Variants in TRIM64 observed in about 807,000 individuals in gnomAD.
TRIM64 encodes the protein tripartite motif-containing protein 64.
TRIM64 carries 3 observed loss-of-function variants against 10.6 expected under a neutral mutation model. That is an observed-to-expected ratio of 0.28 (90% CI 0.13 to 0.73). The LOEUF is 0.73. Ranked by LOEUF, TRIM64 falls within the 30% of genes least tolerant of loss-of-function variation. TRIM64 has a pLI of 0.71. For synonymous variants in TRIM64, 8 were observed against 56.0 expected, an observed-to-expected ratio of 0.14 and a Z score of 3.83; for missense variants, 29 against 152.0, an observed-to-expected ratio of 0.19 and a Z score of 4.25.
upstream of TRIM64, among the ~76,000 whole-genome samples, chr11:89,968,142 T>C (rs1950429939): frequency 3.0e-5 from 1 of 33,458 alleles, no homozygotes; most frequent in Non-Finnish European, 5.4e-5. Flanking sequence ...CAAGTATTTA[T>C]ACAGCATTTA....
chr11:89,966,661 G>A (rs1341582303), upstream of TRIM64, among the ~76,000 whole-genome samples: 1 of 38,972 alleles, frequency 2.6e-5, no homozygotes, highest in Non-Finnish European at 4.7e-5. Context: ...AAGGCAGGCA[G>A]ATCGCTTGAG....
Position 89,971,796 on chromosome 11 carries a change from C to A in TRIM64, c.759-401C>A, listed in dbSNP as rs1257734955. Among the ~76,000 whole-genome samples the A allele has an allele frequency of 1.1e-4, 6 of 53,058 alleles. 3 individuals are homozygous for A. The highest frequency in any genetic ancestry group is 1.7e-4 in the Non-Finnish European group (4 of 23,618). The allele number at this position is 53,058 out of a possible 152,430, so 34.8% of individuals were successfully genotyped here. Reference sequence around the variant, plus strand: ...CTTTGTTTTGCACAAAAGATTAAAGCCTTTTGTCTCAGTGAACATTCTCTG... The same window carrying A: ...CTTTGTTTTGCACAAAAGATTAAAGACTTTTGTCTCAGTGAACATTCTCTG... On this transcript the variant is annotated intron_variant, in intron 4 of 5. Coordinates refer to ENST00000533122, the Ensembl canonical transcript of TRIM64.
At position 89,970,481 on chromosome 11, in the gene TRIM64, A is replaced by G. The variant is rs1278685868; in HGVS notation, c.735+7A>G. 1.8e-6 allele frequency: 1 copy of G among 541,036 alleles called. No individual in the cohort carries two copies. Among genetic ancestry groups the G allele is most frequent in the African/African-American group, 5.4e-5 (1 of 18,670 alleles). 33.5% of individuals were successfully genotyped at this position (541,036 alleles called of 1,614,324 possible). On this transcript the variant is annotated splice_region_variant and intron_variant, in intron 3 of 5. Coordinates refer to ENST00000533122, the Ensembl canonical transcript of TRIM64. The stretch of plus-strand genomic sequence containing the variant: ...TGACGTGGAGCTGCTCCAGGTGAGG[A>G]GGGAGGGTCCATCCTCAGAGACAGG...
upstream of TRIM64, among the ~76,000 whole-genome samples, chr11:89,968,040 C>A (rs1376853623): frequency 2.8e-5 from 1 of 35,542 alleles, no homozygotes; most frequent in Non-Finnish European, 5.2e-5. Flanking sequence ...CTCGGCCTCC[C>A]GAAGTGCTGG....
chr11:89,967,857 C>T (rs1950428963), upstream of TRIM64, among the ~76,000 whole-genome samples: 1 of 35,504 alleles, frequency 2.8e-5, no homozygotes, highest in Non-Finnish European at 5.2e-5. Flanking sequence ...TCTCGGCTCA[C>T]TGCAACCTCC....
chr11:89,966,413 T>C (rs1464275944), upstream of TRIM64, among the ~76,000 whole-genome samples: 8 of 87,320 alleles, frequency 9.2e-5, no homozygotes, highest in Non-Finnish European at 1.9e-4. Flanking sequence ...CATGCAATGA[T>C]AGAACCCATA....
At chr11:89,966,315 G>T (rs1396616211), upstream of TRIM64, among the ~76,000 whole-genome samples, 1 of 94,318 alleles carries the variant, frequency 1.1e-5, no homozygotes, top group Non-Finnish European at 2.7e-5. Context: ...GTAAGATATG[G>T]TTTGTGTTCC....
In TRIM64 at chr11:89,971,716, G is replaced by A. The variant is rs1472798167; in HGVS notation, c.758+461G>A. On this transcript the variant is annotated intron_variant, in intron 4 of 5. Coordinates refer to ENST00000533122, the Ensembl canonical transcript of TRIM64. The stretch of plus-strand genomic sequence containing the variant: ...ACCCAGTTCTAGGAAAGACCTCAGG[G>A]AAATGGTTGCCTCGGGCCCCTCAGC... Among the ~76,000 whole-genome samples, 10 of 52,300 alleles carry A rather than the reference G, an allele frequency of 1.9e-4. 4 individuals are homozygous for A. The East Asian group carries it at 6.0e-3, about 31-fold the overall frequency. 34.3% of individuals were successfully genotyped at this position (52,300 alleles called of 152,430 possible).
chr11:89,967,612 GACTGAGAGCACGGCTTGTTTA>G (rs1950428215), upstream of TRIM64, among the ~76,000 whole-genome samples: 1 of 35,146 alleles, frequency 2.8e-5, no homozygotes, highest in Non-Finnish European at 5.2e-5. Context: ...AACTGGGAAT[GACTGAGAGCACGGCTTGTTTA>G]ACAAAAATGC....
chr11:89,968,072 G>A (rs1210923370), upstream of TRIM64, among the ~76,000 whole-genome samples: 1 of 35,356 alleles, frequency 2.8e-5, no homozygotes, highest in Non-Finnish European at 5.2e-5. Flanking sequence ...TGAGTACCGC[G>A]CCCTGCCAAA....
Sources: gnomAD v4.1 joint callset for allele counts (sites outside exome capture counted in the v4.1 genomes callset) on GRCh38, gnomAD v4.1.1 for gene constraint, MANE v1.5 for transcripts, NCBI Gene and HGNC (gene_info 2026-07-23, HGNC 2026-07-21) for gene names.